The following RIC8B variants were observed in gnomAD, a reference collection of about 807,000 sequenced individuals.
RIC8B encodes the protein chaperone Ric-8B.
In RIC8B, 16 loss-of-function variants were observed where a neutral mutation model predicts 57.5. The observed-to-expected ratio is 0.28, with a 90% CI of 0.19 to 0.42. The LOEUF (loss-of-function observed/expected upper bound fraction) is 0.42, where lower values mean the gene tolerates loss of function less well. Ranked by LOEUF, RIC8B falls within the 10% of genes least tolerant of loss-of-function variation. The probability of loss-of-function intolerance (pLI) is 1.00; values close to 1 mark genes in which losing one functional copy is unlikely to be tolerated. For missense variants in RIC8B, 481 were observed against 677.0 expected, an observed-to-expected ratio of 0.71 and a Z score of 3.21; for synonymous variants, 216 against 250.8, an observed-to-expected ratio of 0.86 and a Z score of 1.31.
intron 8 of RIC8B, among the ~76,000 whole-genome samples, chr12:106,860,973 A>C (rs1949907604): frequency 7.3e-6 from 1 of 136,192 alleles, no homozygotes; most frequent in Non-Finnish European, 1.6e-5. Context: ...TAGGCAAACC[A>C]GAGACTCTGT....
At position 106,830,739 on chromosome 12, in the gene RIC8B, A is replaced by G. The variant is rs558686629; in HGVS notation, c.836+4919A>G. Among the ~76,000 whole-genome samples the G allele has an allele frequency of 3.9e-5, 6 of 152,298 alleles. No homozygotes were observed. In the South Asian group the frequency reaches 1.2e-3, roughly 32 times the overall value. The stretch of plus-strand genomic sequence containing the variant: ...ACTAAATTCCCAGACTGCCCGATTT[A>G]AATTAAGACCCTCCCTCCCCCTCAT... On this transcript the variant is annotated intron_variant, in intron 4 of 9. Coordinates refer to ENST00000392837, the MANE Select transcript of RIC8B (RefSeq NM_001330145.2).
intron 9 of RIC8B, chr12:106,871,439 T>C (rs1593375827): frequency 8.2e-6 from 1 of 122,128 alleles, no homozygotes; most frequent in Non-Finnish European, 1.6e-5. Flanking sequence ...AAGGATTTTC[T>C]GAAAACAGGG....
At chr12:106,828,650 C>T (rs1227011927) in intron 4 of RIC8B, among the ~76,000 whole-genome samples, 2 of 152,170 alleles carry the variant, frequency 1.3e-5, no homozygotes, top group African/African-American at 4.8e-5. Flanking sequence ...CACCTCTTCC[C>T]TGGCAATGAG....
chr12:106,786,069 G>A lies in RIC8B; in HGVS notation c.132+2025G>A, dbSNP rs538894427. Among the ~76,000 whole-genome samples, 413 of 151,072 alleles carry A rather than the reference G, an allele frequency of 2.7e-3. 4 individuals are homozygous for A. The highest frequency in any genetic ancestry group is 0.021 in the Middle Eastern group (6 of 290). On this transcript the variant is annotated intron_variant, in intron 2 of 9. Coordinates refer to ENST00000392837, the MANE Select transcript of RIC8B (RefSeq NM_001330145.2). ...ACTCTGTTGCTCAGGCTGGCCTCAA[G>A]GGATCTTCCCACTTTGACCTCCTAC...
Position 106,879,249 on chromosome 12 carries a change from C to CA in RIC8B, c.1572-6650dup. ...AATTGAATGTTTTGTTTGTATTGCA[C>CA]AAAAACATGTGCTGTGGGCAAGAGT... On this transcript the variant is annotated intron_variant, in intron 9 of 9. Transcript: ENST00000392837. This position sits in a 1 kb window ranked among gnomAD's most constrained non-coding sequence, Gnocchi z 4.9. 2.0e-6 allele frequency: 2 copies of CA among 985,684 alleles called. No homozygotes were observed. The highest frequency in any genetic ancestry group is 2.4e-6 in the Non-Finnish European group (2 of 829,900). The allele number at this position is 985,684 out of a possible 1,614,324, so 61.1% of individuals were successfully genotyped here. A position where few individuals can be genotyped will look rare whatever the true frequency, so the allele number is the denominator to read the frequency against.
chr12:106,799,278 T>C (rs1465528736), intron 2 of RIC8B, among the ~76,000 whole-genome samples: 1 of 152,218 alleles, frequency 6.6e-6, no homozygotes, highest in Non-Finnish European at 1.5e-5. Flanking sequence ...TGTTAACGTT[T>C]CTTGATCTGT....
At chr12:106,813,482 G>T (rs536721789) in intron 2 of RIC8B, among the ~76,000 whole-genome samples, 3 of 152,068 alleles carry the variant, frequency 2.0e-5, no homozygotes, top group South Asian at 2.1e-4. Context: ...GAGCCACTGC[G>T]TCCAGCCTTC....
In RIC8B at chr12:106,871,471, T is replaced by TAAAAAAAAAA. The variant is rs1387727022; in HGVS notation, c.1571+547_1571+556dup. On this transcript the variant is annotated intron_variant, in intron 9 of 9. Transcript: ENST00000392837. ...AGGGACTTGTATTAATTAGGAGTTC[T>TAAAAAAAAAA]AAAAAAAAAAAAAAAAAAAAAAAAA... The TAAAAAAAAAA allele has an allele frequency of 1.8e-3, 56 of 30,912 alleles. 2 individuals carry two copies. Among genetic ancestry groups the TAAAAAAAAAA allele is most frequent in the Non-Finnish European group, 2.5e-3 (43 of 17,500 alleles). 1.9% of individuals were successfully genotyped at this position (30,912 alleles called of 1,614,324 possible). A position where few individuals can be genotyped will look rare whatever the true frequency, so the allele number is the denominator to read the frequency against.
intron 3 of RIC8B, 149 bp from the exon 4 acceptor site, chr12:106,825,577 C>T (rs1217437682): frequency 5.1e-6 from 3 of 585,768 alleles, no homozygotes; most frequent in Non-Finnish European, 9.4e-6. Flanking sequence ...TTAGTATTGC[C>T]TCAGGAATTC....
chr12:106,778,976 C>G (rs573300233), intron 1 of RIC8B, among the ~76,000 whole-genome samples: 1 of 149,096 alleles, frequency 6.7e-6, no homozygotes, highest in Non-Finnish European at 1.5e-5. Flanking sequence ...TGCAATGGCG[C>G]GATCTCGGCT....
chr12:106,785,129 T>C (rs2043945334), intron 2 of RIC8B, among the ~76,000 whole-genome samples: 1 of 152,256 alleles, frequency 6.6e-6, no homozygotes, highest in Admixed American at 6.5e-5. Context: ...CATGACATGC[T>C]GGGTGCTCAG....
rs1032893625 is a variant in RIC8B at position 106,814,737 on chromosome 12, C to T, written c.174C>T (p.Ile58=). 8.7e-6 allele frequency: 14 copies of T among 1,612,860 alleles called. 1 individual carries two copies. Among genetic ancestry groups the T allele is most frequent in the South Asian group, 6.6e-5 (6 of 90,904 alleles). The part of the protein sequence containing the change: ...EGIFKVLIKD[I]PTTCQVSCLE... ...TATTTAAAGTCCTTATAAAGGACAT[C>T]CCAACAACATGTCAAGTGTCCTGCC... Residue 58 remains isoleucine, a synonymous_variant, in exon 3 of 10, where the codon ATC becomes ATT. Coordinates refer to ENST00000392837, the MANE Select transcript of RIC8B (RefSeq NM_001330145.2).
rs755560208 is a variant in RIC8B, at chr12:106,815,132, C to G, written c.569C>G (p.Pro190Arg). The G allele has an allele frequency of 1.9e-5, 31 of 1,614,094 alleles. No homozygotes were observed. The highest frequency in any genetic ancestry group is 1.9e-5 in the Non-Finnish European group (22 of 1,180,040). The change falls in exon 3 of 10, where the codon CCG becomes CGG. Residue 190 changes from proline to arginine, a missense_variant. Transcript: ENST00000392837. ...SQLRYELQGL[P>R]LLTQILESAF... ...TTGCGCTATGAGCTCCAGGGACTAC[C>G]GCTGCTAACGCAGATCTTGGAAAGT...
Position 106,815,002 on chromosome 12 carries a change from C to T in RIC8B, c.439C>T (p.Leu147Phe). Reference sequence around the variant, plus strand: ...TAATCTTGCTGCAAAGCTCTGTAACCTCCTGAGAAAGTGCAAGGACCGGAA... The same window carrying T: ...TAATCTTGCTGCAAAGCTCTGTAACTTCCTGAGAAAGTGCAAGGACCGGAA... Reference protein sequence around the residue: ...ELNLAAKLCNLLRKCKDRKFI... With the variant: ...ELNLAAKLCNFLRKCKDRKFI... Residue 147 changes from leucine (L) to phenylalanine (F), a missense_variant, in exon 3 of 10, where the codon CTC becomes TTC. This residue lies in a region of RIC8B where 421 missense variants were observed against 560.9 expected (regional missense o/e 0.75). Transcript: ENST00000392837. The T allele has an allele frequency of 6.2e-7, 1 of 1,614,188 alleles. No individual in the cohort carries two copies.
intron 2 of RIC8B, among the ~76,000 whole-genome samples, chr12:106,798,625 T>A (rs993838216): frequency 2.0e-5 from 3 of 152,114 alleles, no homozygotes; most frequent in Non-Finnish European, 2.9e-5. Context: ...TTTTTTTTTT[T>A]AGATAGCTGT....
intron 9 of RIC8B, chr12:106,873,290 C>A: frequency 1.7e-6 from 1 of 578,538 alleles, no homozygotes; most frequent in Non-Finnish European, 2.2e-6. Flanking sequence ...TAGTTCAAAT[C>A]ATACAGAATT....
chr12:106,857,124 G>A (rs1430310667), intron 7 of RIC8B, among the ~76,000 whole-genome samples: 1 of 152,110 alleles, frequency 6.6e-6, no homozygotes, highest in Admixed American at 6.5e-5. Context: ...AGTTTTTAGG[G>A]GAAGACGTTA....
At chr12:106,801,099 G>A (rs1232374567) in intron 2 of RIC8B, among the ~76,000 whole-genome samples, 2 of 152,252 alleles carry the variant, frequency 1.3e-5, no homozygotes, top group African/African-American at 2.4e-5. Context: ...CACATGGGCA[G>A]TGGAGAACAG....
At position 106,777,641 on chromosome 12, in the gene RIC8B, G is replaced by T. The variant is rs1432182891; in HGVS notation, c.84+2812G>T. 3.3e-5 allele frequency among the ~76,000 whole-genome samples: 5 copies of T among 152,036 alleles called. No individual in the cohort carries two copies. The East Asian group carries it at 5.8e-4, about 18-fold the overall frequency. On this transcript the variant is annotated intron_variant, in intron 1 of 9. Coordinates refer to ENST00000392837, the MANE Select transcript of RIC8B (RefSeq NM_001330145.2). ...GTCAAGTGTAGTAGAAAGGTGGTGG[G>T]ATTTGACATCAGATAAACTTGGTTC... is the stretch of plus-strand genomic sequence containing the variant.
Sources: gnomAD v4.1 joint callset for allele counts (sites outside exome capture counted in the v4.1 genomes callset) on GRCh38, gnomAD v4.1.1 for gene constraint, gnomAD v4.1.1 regional missense constraint, Gnocchi (gnomAD v3.1) non-coding constraint, MANE v1.5 for transcripts, NCBI Gene and HGNC (gene_info 2026-07-23, HGNC 2026-07-21) for gene names.